The following MGAT4C variants were observed in gnomAD, a reference collection of about 807,000 sequenced individuals.
The protein encoded by MGAT4C is alpha-1,3-mannosyl-glycoprotein 4-beta-N-acetylglucosaminyltransferase C.
In MGAT4C, 19 loss-of-function variants were observed where a neutral mutation model predicts 40.1. The ratio of observed to expected loss-of-function variants is 0.47; its 90% CI spans 0.33 to 0.70. MGAT4C has a LOEUF of 0.70. MGAT4C is among the 30% of genes least tolerant of loss of function. MGAT4C has a pLI of 0.02. For synonymous variants in MGAT4C, 181 were observed against 187.1 expected (o/e 0.97, Z 0.27); for missense variants, 491 against 563.2 (o/e 0.87, Z 1.30).
At chr12:86,538,646 C>T (rs574646835) in intron 2 of MGAT4C, among the ~76,000 whole-genome samples, 1 of 140,104 alleles carries the variant, frequency 7.1e-6, no homozygotes, top group African/African-American at 2.6e-5. Flanking sequence ...CTTGCTCTGT[C>T]GCCCAGGCTG....
intron 2 of MGAT4C, among the ~76,000 whole-genome samples, chr12:86,483,111 CCTT>C (rs1477137842): frequency 1.3e-5 from 2 of 152,134 alleles, no homozygotes; most frequent in East Asian, 1.9e-4. Flanking sequence ...ATGGTTAGAT[CCTT>C]CTTCTTGTTG....
chr12:86,095,662 A>C (rs1873786605), intron 1 of MGAT4C, among the ~76,000 whole-genome samples: 1 of 150,090 alleles, frequency 6.7e-6, no homozygotes, highest in South Asian at 2.1e-4. Context: ...TCTTGTAAGG[A>C]ATATTGGAAC....
chr12:86,260,405 T>A (rs1449667737), upstream of MGAT4C, among the ~76,000 whole-genome samples: 3 of 152,122 alleles, frequency 2.0e-5, no homozygotes, highest in Non-Finnish European at 4.4e-5. Flanking sequence ...AAAATTAGAA[T>A]ATGATGCAGG....
intron 4 of MGAT4C, among the ~76,000 whole-genome samples, chr12:86,277,710 C>A (rs1953111249): frequency 6.6e-6 from 1 of 152,062 alleles, no homozygotes; most frequent in South Asian, 2.1e-4. Flanking sequence ...ACTGTAGATT[C>A]ATGGATTTCT....
At chr12:86,604,203 A>G (rs1305054028) in intron 2 of MGAT4C, among the ~76,000 whole-genome samples, 2 of 152,118 alleles carry the variant, frequency 1.3e-5, no homozygotes, top group African/African-American at 4.8e-5. Flanking sequence ...ATGGCAGCTA[A>G]AGAAACTGCA....
At chr12:86,812,365 T>C (rs112780051) in intron 1 of MGAT4C, among the ~76,000 whole-genome samples, 63 of 152,234 alleles carry the variant, frequency 4.1e-4, no homozygotes, top group African/African-American at 1.5e-3. Context: ...ATTTTCTATC[T>C]AGTAATTCTC....
At chr12:86,339,719 T>A (rs1396935363) in intron 3 of MGAT4C, among the ~76,000 whole-genome samples, 1 of 152,068 alleles carries the variant, frequency 6.6e-6, no homozygotes, top group African/African-American at 2.4e-5. Flanking sequence ...TTATAGTATA[T>A]ACACACACAC....
At chr12:86,131,253 A>C (rs1427282026) in intron 1 of MGAT4C, among the ~76,000 whole-genome samples, 1 of 152,116 alleles carries the variant, frequency 6.6e-6, no homozygotes, top group African/African-American at 2.4e-5. Flanking sequence ...GAATACATGG[A>C]TCTAGAAGCT....
At chr12:86,561,842 G>C (rs1225672465) in intron 2 of MGAT4C, among the ~76,000 whole-genome samples, 2 of 152,060 alleles carry the variant, frequency 1.3e-5, no homozygotes, top group Admixed American at 1.3e-4. Flanking sequence ...TTTTAAATAT[G>C]GATTTCTTTA....
chr12:86,801,250 C>A (rs919643810), intron 1 of MGAT4C, among the ~76,000 whole-genome samples: 3 of 151,820 alleles, frequency 2.0e-5, no homozygotes, highest in Admixed American at 6.6e-5. Flanking sequence ...GGAAAGAAAA[C>A]AACCACAACT....
intron 1 of MGAT4C, among the ~76,000 whole-genome samples, chr12:86,109,248 A>G (rs561877708): frequency 1.3e-5 from 2 of 152,298 alleles, no homozygotes; most frequent in South Asian, 2.1e-4. Flanking sequence ...AACAACAACA[A>G]CAAACAAATT....
rs374218082 is a variant in MGAT4C at position 86,508,660 on chromosome 12, T to A, written c.-228-73395A>T. 9.3e-4 allele frequency among the ~76,000 whole-genome samples: 140 copies of A among 150,676 alleles called. No homozygotes were observed. In the East Asian group the frequency reaches 0.022, roughly 24 times the overall value. The stretch of plus-strand genomic sequence containing the variant: ...CCGACCTTCACAATGGTTGAACTAG[T>A]TTACAGTCCCACCAACAGTGGAAAA... On this transcript the variant is annotated intron_variant, in intron 2 of 7. Coordinates refer to the MGAT4C transcript ENST00000548651.
chr12:86,245,705 G>A (rs552042380), intron 1 of MGAT4C, among the ~76,000 whole-genome samples: 2 of 152,042 alleles, frequency 1.3e-5, no homozygotes, highest in African/African-American at 4.8e-5. Flanking sequence ...TAGCTCCTAG[G>A]GTTAGTACTC....
chr12:86,191,632 AACACAC>A (rs61626246), intron 1 of MGAT4C, among the ~76,000 whole-genome samples: 4,056 of 121,848 alleles, frequency 0.033, 85 homozygotes, highest in Admixed American at 0.059. Flanking sequence ...CAAAAAACAA[AACACAC>A]ACACACACAC....
At chr12:86,587,920 C>T (rs552207490) in intron 2 of MGAT4C, among the ~76,000 whole-genome samples, 2 of 151,966 alleles carry the variant, frequency 1.3e-5, no homozygotes, top group African/African-American at 4.8e-5. Flanking sequence ...TTCCTCTTTT[C>T]CTAATTGAAT....
rs1958622829 is a variant in MGAT4C, at chr12:86,513,174, A to G, written c.-228-77909T>C. Among the ~76,000 whole-genome samples the G allele has an allele frequency of 2.0e-5, 3 of 152,174 alleles. No homozygotes were observed. In the South Asian group the frequency reaches 6.2e-4, roughly 32 times the overall value. On this transcript the variant is annotated intron_variant, in intron 2 of 7. Coordinates refer to the MGAT4C transcript ENST00000548651. Reference sequence around the variant, plus strand: ...AAGTAAGATTAACTACAAAACCAAGAAGTAAAACAGCAACTATTATACTTA... The same window carrying G: ...AAGTAAGATTAACTACAAAACCAAGGAGTAAAACAGCAACTATTATACTTA...
intron 4 of MGAT4C, among the ~76,000 whole-genome samples, chr12:86,268,291 C>T (rs1489063654): frequency 6.6e-6 from 1 of 152,004 alleles, no homozygotes; most frequent in Non-Finnish European, 1.5e-5. Flanking sequence ...TAATTGAAAG[C>T]CAGACTTTGG....
rs144113621 is a variant in MGAT4C, at chr12:86,574,496, T to C, written c.-228-139231A>G. The stretch of plus-strand genomic sequence containing the variant: ...AGTAATCCTCTCAATCTTATAATTA[T>C]ATTAGTTTTAGTCATTATATTTGGA... On this transcript the variant is annotated intron_variant, in intron 2 of 7. Coordinates refer to the MGAT4C transcript ENST00000548651. Among the ~76,000 whole-genome samples, 391 of 151,930 alleles carry C rather than the reference T, an allele frequency of 2.6e-3. 1 individual carries two copies. The highest frequency in any genetic ancestry group is 9.2e-3 in the African/African-American group (384 of 41,526).
chr12:86,239,819 T>C (rs34649035), intron 1 of MGAT4C, among the ~76,000 whole-genome samples: 1,595 of 144,182 alleles, frequency 0.011, 6 homozygotes, highest in Non-Finnish European at 0.016. Flanking sequence ...CAGTGGAACA[T>C]GTGCTCCTGG....
Sources: allele counts gnomAD v4.1 joint callset (sites outside exome capture counted in the v4.1 genomes callset), GRCh38; gene constraint gnomAD v4.1.1; transcripts MANE v1.5; gene names NCBI Gene and HGNC (gene_info 2026-07-23, HGNC 2026-07-21).